Variants in PCDHGB3 observed in about 807,000 individuals in gnomAD.
PCDHGB3 encodes protocadherin gamma subfamily B, 3.
Under a neutral mutation model 59.2 loss-of-function variants are expected in PCDHGB3, and 40 were observed. That is an observed-to-expected ratio of 0.68 (90% CI 0.52 to 0.88). The LOEUF is 0.88. PCDHGB3 is among the 40% of genes least tolerant of loss of function. The pLI is 0.00. For synonymous variants in PCDHGB3, 581 were observed against 503.6 expected (o/e 1.15, Z -2.06); for missense variants, 1,309 against 1,187.9 (o/e 1.10, Z -1.50).
Position 141,487,390 on chromosome 5 carries a change from G to A in PCDHGB3, c.2416-7417G>A, listed in dbSNP as rs769886634. On this transcript the variant is annotated intron_variant, in intron 1 of 3. Coordinates refer to ENST00000576222, the MANE Select transcript of PCDHGB3 (RefSeq NM_018924.5). The surrounding 1 kb of genome is among the most constrained non-coding windows in gnomAD (Gnocchi z 5.0). The stretch of plus-strand genomic sequence containing the variant: ...GTGCCTGTCTCACCAGATCTCGAAG[G>A]AGGGAGGGGCTTCCCCCTTCCAATG... 1.2e-6 allele frequency: 2 copies of A among 1,614,182 alleles called. No homozygotes were observed. The highest frequency in any genetic ancestry group is 1.3e-5 in the African/African-American group (1 of 75,070).
chr5:141,409,172 G>C (rs574905228), intron 1 of PCDHGB3: 1 of 1,614,006 alleles, frequency 6.2e-7, no homozygotes, highest in Non-Finnish European at 8.5e-7. Context: ...AGCGAAGGAC[G>C]GAGGTGGTCT....
chr5:141,447,538 T>C (rs954291961), intron 1 of PCDHGB3, among the ~76,000 whole-genome samples: 4 of 152,204 alleles, frequency 2.6e-5, no homozygotes, highest in Admixed American at 2.6e-4. Context: ...TTGTTGGGTT[T>C]TAATGTTATG....
intron 1 of PCDHGB3, chr5:141,417,885 G>T (rs761442517): frequency 3.8e-6 from 6 of 1,562,926 alleles, no homozygotes; most frequent in South Asian, 1.2e-5. Context: ...GCGCAGAGGC[G>T]CCGGGCCGGC....
intron 1 of PCDHGB3, chr5:141,404,291 G>A (rs755978034): frequency 6.2e-7 from 1 of 1,613,956 alleles, no homozygotes; most frequent in Non-Finnish European, 8.5e-7. Context: ...TGACATCAAT[G>A]ATAATCCACC....
Position 141,388,949 on chromosome 5 carries a change from G to A in PCDHGB3, c.2415+16140G>A. The A allele has an allele frequency of 6.2e-7, 1 of 1,613,986 alleles. No homozygotes were observed. The highest frequency in any genetic ancestry group is 8.5e-7 in the Non-Finnish European group (1 of 1,179,876). On this transcript the variant is annotated intron_variant, in intron 1 of 3. Coordinates refer to ENST00000576222, the MANE Select transcript of PCDHGB3 (RefSeq NM_018924.5). ...TCCAGTCTCTACCCAACCTAATTAT[G>A]GAGGACGCCGAGCTGGGAACACATA...
intron 1 of PCDHGB3, chr5:141,399,545 C>T (rs978973236): frequency 6.2e-7 from 1 of 1,614,050 alleles, no homozygotes; most frequent in African/African-American, 1.3e-5. Flanking sequence ...GTCTGCGCCT[C>T]GGACCTGGAC....
chr5:141,453,099 C>CT (rs568622146), intron 1 of PCDHGB3, among the ~76,000 whole-genome samples: 1 of 151,962 alleles, frequency 6.6e-6, no homozygotes, highest in East Asian at 1.9e-4. Flanking sequence ...TTTTCTGTTG[C>CT]TTTTTTGTTT....
chr5:141,389,741 G>T (rs537380299), intron 1 of PCDHGB3: 31 of 1,612,676 alleles, frequency 1.9e-5, no homozygotes, highest in Admixed American at 6.7e-5. Context: ...GCCTGGGGCT[G>T]CGCACGGGCG....
Position 141,487,870 on chromosome 5 carries a change from C to A in PCDHGB3, c.2416-6937C>A. On this transcript the variant is annotated intron_variant, in intron 1 of 3. Transcript: ENST00000576222. This position sits in a 1 kb window ranked among gnomAD's most constrained non-coding sequence, Gnocchi z 5.0. ...AATGAAAGTAATTGGTGATCAAGAGCCAGGCTGTTGTGGAAGCATGATGAT... is the reference window on the plus strand; with the variant it reads ...AATGAAAGTAATTGGTGATCAAGAGACAGGCTGTTGTGGAAGCATGATGAT... 3.5e-6 allele frequency: 3 copies of A among 865,052 alleles called. No individual in the cohort carries two copies. The highest frequency in any genetic ancestry group is 5.3e-6 in the Non-Finnish European group (3 of 568,628). The allele number at this position is 865,052 out of a possible 1,614,324, so 53.6% of individuals were successfully genotyped here.
Position 141,431,423 on chromosome 5 carries a change from C to A in PCDHGB3, c.2415+58614C>A, listed in dbSNP as rs868299769. 20 of 1,613,552 alleles carry A rather than the reference C, an allele frequency of 1.2e-5. No individual in the cohort carries two copies. In the Admixed American group the frequency reaches 2.2e-4, roughly 17 times the overall value. ...GGCCTCCGACGGGGGCGACCCGGTG[C>A]GCACAGGCACCGCGCGCATCCGCGT... On this transcript the variant is annotated intron_variant, in intron 1 of 3. Coordinates refer to ENST00000576222, the MANE Select transcript of PCDHGB3 (RefSeq NM_018924.5). The surrounding 1 kb of genome is among the most constrained non-coding windows in gnomAD (Gnocchi z 4.8).
chr5:141,500,340 C>T (rs188966393), intron 2 of PCDHGB3, among the ~76,000 whole-genome samples: 1 of 151,950 alleles, frequency 6.6e-6, no homozygotes, highest in East Asian at 1.9e-4. Flanking sequence ...TCCAGAATAG[C>T]TGGGACTACA....
intron 1 of PCDHGB3, among the ~76,000 whole-genome samples, chr5:141,406,564 C>T (rs1475993893): frequency 6.6e-6 from 1 of 152,164 alleles, no homozygotes; most frequent in African/African-American, 2.4e-5. Flanking sequence ...CACTTCCAAA[C>T]CCTAGTAAAC....
At chr5:141,495,800 C>T (rs1351461035) in intron 2 of PCDHGB3, among the ~76,000 whole-genome samples, 5 of 152,134 alleles carry the variant, frequency 3.3e-5, no homozygotes, top group Non-Finnish European at 7.3e-5. Context: ...CTCCTTTCAC[C>T]GTTTCCTAGC....
intron 1 of PCDHGB3, chr5:141,423,700 G>A (rs753612385): frequency 7.5e-7 from 1 of 1,324,816 alleles, no homozygotes; most frequent in Non-Finnish European, 9.8e-7. Context: ...TTGGTGTCTT[G>A]GCACAAGTCT....
intron 1 of PCDHGB3, chr5:141,398,248 A>G (rs908511447): frequency 1.4e-6 from 2 of 1,472,692 alleles, no homozygotes; most frequent in African/African-American, 2.9e-5. Flanking sequence ...TCCCGAGGAA[A>G]TGCCCAAGGG....
At chr5:141,383,222 T>C in intron 1 of PCDHGB3, 1 of 1,613,962 alleles carries the variant, frequency 6.2e-7, no homozygotes, top group Non-Finnish European at 8.5e-7. Context: ...AACTTTAACA[T>C]CCTGATGGAA....
chr5:141,486,637 G>A lies in PCDHGB3; in HGVS notation c.2416-8170G>A, dbSNP rs761072169. On this transcript the variant is annotated intron_variant, in intron 1 of 3. Transcript: ENST00000576222. The surrounding 1 kb of genome is among the most constrained non-coding windows in gnomAD (Gnocchi z 5.0). ...CTGACCCAGACTCTGGCTTGAATGC[G>A]CTTATCTCCTACTCACTCCTGGAGC... 3.1e-5 allele frequency: 50 copies of A among 1,613,520 alleles called. No individual in the cohort carries two copies. The highest frequency in any genetic ancestry group is 5.0e-5 in the Admixed American group (3 of 60,000).
chr5:141,498,684 C>T (rs1255085852), intron 2 of PCDHGB3, among the ~76,000 whole-genome samples: 1 of 152,192 alleles, frequency 6.6e-6, no homozygotes, highest in South Asian at 2.1e-4. Flanking sequence ...GTAATCCCAG[C>T]ACTTTGGGAG....
intron 1 of PCDHGB3, chr5:141,400,006 G>T (rs758879836): frequency 1.9e-5 from 30 of 1,612,536 alleles, no homozygotes; most frequent in Non-Finnish European, 2.5e-5. Flanking sequence ...CACAGCGCGT[G>T]CCTTGGGCGA....
Sources: allele counts gnomAD v4.1 joint callset (sites outside exome capture counted in the v4.1 genomes callset), GRCh38; gene constraint gnomAD v4.1.1; non-coding constraint Gnocchi (gnomAD v3.1); transcripts MANE v1.5; gene names NCBI Gene and HGNC (gene_info 2026-07-23, HGNC 2026-07-21).